The following DIS3L variants were observed in gnomAD, a reference collection of about 807,000 sequenced individuals.
DIS3L encodes DIS3 like exosome 3'-5' exoribonuclease.
Under a neutral mutation model 120.3 loss-of-function variants are expected in DIS3L, and 100 were observed. The observed-to-expected ratio is 0.83, with a 90% CI of 0.71 to 0.98. The LOEUF is 0.98. Among genes scored for constraint, DIS3L ranks in the 50% least tolerant of loss-of-function variants. The pLI, the probability that DIS3L is intolerant of heterozygous loss-of-function variation, is 0.00. For synonymous variants in DIS3L, 426 were observed against 470.6 expected (o/e 0.91, Z 1.23); for missense variants, 1,196 against 1,314.2 (o/e 0.91, Z 1.39).
At chr15:66,332,046 C>T (rs766562255) in intron 15 of DIS3L, 26 bp downstream of exon 15, 9 of 1,578,604 alleles carry the variant, frequency 5.7e-6, no homozygotes, top group Admixed American at 1.8e-5. Context: ...TGCAATGGTG[C>T]ATAAGAAATC....
At chr15:66,299,604 G>A (rs183989094) in intron 2 of DIS3L, among the ~76,000 whole-genome samples, 1 of 151,408 alleles carries the variant, frequency 6.6e-6, no homozygotes, top group Non-Finnish European at 1.5e-5. Flanking sequence ...GAAAAAAGAA[G>A]GGAGGAGGCT....
intron 2 of DIS3L, among the ~76,000 whole-genome samples, chr15:66,305,150 A>G (rs2092691697): frequency 6.6e-6 from 1 of 151,132 alleles, no homozygotes; most frequent in Non-Finnish European, 1.5e-5. Flanking sequence ...ACAGGCACCC[A>G]CCACCACGCC....
intron 2 of DIS3L, among the ~76,000 whole-genome samples, chr15:66,302,412 T>C (rs1371128457): frequency 1.3e-5 from 2 of 152,028 alleles, no homozygotes; most frequent in African/African-American, 4.8e-5. Flanking sequence ...GAAGTGAAGG[T>C]GTGAAAACAA....
At chr15:66,306,642 C>T (rs1220803724) in intron 2 of DIS3L, 182 bp from the exon 3 acceptor site, 11 of 764,422 alleles carry the variant, frequency 1.4e-5, no homozygotes, top group African/African-American at 7.0e-5. Flanking sequence ...CAGGCAAAAT[C>T]GAGAAACAAT....
chr15:66,329,741 A>G (rs1265062940), intron 14 of DIS3L: 3 of 989,282 alleles, frequency 3.0e-6, no homozygotes, highest in South Asian at 4.4e-5. Flanking sequence ...GTGAAACCCC[A>G]TCTCTACAAA....
rs1159545782 is a variant in DIS3L, at chr15:66,293,593, C to A, written c.-4C>A. 2 of 1,432,564 alleles carry A rather than the reference C, an allele frequency of 1.4e-6. No individual in the cohort carries two copies. The highest frequency in any genetic ancestry group is 1.8e-6 in the Non-Finnish European group (2 of 1,093,476). The allele number at this position is 1,432,564 out of a possible 1,614,324, so 88.7% of individuals were successfully genotyped here. On this transcript the variant is annotated 5_prime_UTR_variant, in exon 1 of 17. Coordinates refer to ENST00000319212, the MANE Select transcript of DIS3L (RefSeq NM_001143688.3). ...ACTCCGCGGCCGCCGGGAGACACGC[C>A]GCCATGCTGCAGAAGCGGGAGAAGG...
At chr15:66,318,974 G>A (rs558431362) in intron 8 of DIS3L, among the ~76,000 whole-genome samples, 9 of 152,186 alleles carry the variant, frequency 5.9e-5, no homozygotes, top group African/African-American at 1.9e-4. Context: ...TGTATTTTTA[G>A]TAGAGATGGG....
At chr15:66,331,051 C>T (rs2092993357) in intron 14 of DIS3L, among the ~76,000 whole-genome samples, 1 of 151,664 alleles carries the variant, frequency 6.6e-6, no homozygotes, top group African/African-American at 2.4e-5. Context: ...GCTAATCGGG[C>T]GGCTGAGGCA....
chr15:66,316,188 G>A (rs1053503660), intron 7 of DIS3L, among the ~76,000 whole-genome samples: 3 of 152,028 alleles, frequency 2.0e-5, no homozygotes, highest in Admixed American at 6.6e-5. Context: ...CAGACTTAAC[G>A]TGTCCCACAC....
chr15:66,308,967 A>G (rs1595729398), intron 4 of DIS3L, 123 bp downstream of exon 4: 2 of 1,150,866 alleles, frequency 1.7e-6, no homozygotes, highest in South Asian at 4.1e-5. Flanking sequence ...CATTTTGGCC[A>G]GGCGTGGTGG....
intron 12 of DIS3L, among the ~76,000 whole-genome samples, chr15:66,327,773 A>G (rs2092954251): frequency 6.6e-6 from 1 of 151,920 alleles, no homozygotes; most frequent in Non-Finnish European, 1.5e-5. Context: ...AATAAAAACT[A>G]AGTATAGGCT....
chr15:66,332,504 GTGTGTGTGTGTA>G (rs151258463), intron 15 of DIS3L, among the ~76,000 whole-genome samples: 36,735 of 146,106 alleles, frequency 0.25, 5,389 homozygotes, highest in South Asian at 0.32. Flanking sequence ...GTGTGTGTGT[GTGTGTGTGTGTA>G]TATATATACA....
intron 11 of DIS3L, 121 bp from the exon 12 acceptor site, chr15:66,325,710 G>C (rs1379686529): frequency 1.5e-5 from 17 of 1,158,146 alleles, no homozygotes; most frequent in Non-Finnish European, 1.9e-5. Flanking sequence ...GCAGTGAGCA[G>C]TGATCATGCC....
At chr15:66,311,980 A>G (rs1430729152) in intron 5 of DIS3L, 80 bp downstream of exon 5, 3 of 1,511,022 alleles carry the variant, frequency 2.0e-6, no homozygotes, top group Non-Finnish European at 2.7e-6. Context: ...GCTAAGGCTG[A>G]TAGATTGCTT....
rs968528373 is a variant in DIS3L, at chr15:66,314,263, G to T, written c.814+146G>T. 3.4e-5 allele frequency: 18 copies of T among 536,386 alleles called. No individual in the cohort carries two copies. The African/African-American group carries it at 3.4e-4, about 10-fold the overall frequency. The allele number at this position is 536,386 out of a possible 1,614,324, so 33.2% of individuals were successfully genotyped here. A position where few individuals can be genotyped will look rare whatever the true frequency, so the allele number is the denominator to read the frequency against. ...TGGGTATGTGAGATTGTGGCGGGGGGTGGTTCCCCTAGCTTTTTGTCTATA... is the reference window on the plus strand; with the variant it reads ...TGGGTATGTGAGATTGTGGCGGGGGTTGGTTCCCCTAGCTTTTTGTCTATA... On this transcript the variant is annotated intron_variant, in intron 6 of 16. Transcript: ENST00000319212.
At chr15:66,307,896 T>C (rs961991071) in intron 3 of DIS3L, among the ~76,000 whole-genome samples, 1 of 152,132 alleles carries the variant, frequency 6.6e-6, no homozygotes, top group Non-Finnish European at 1.5e-5. Flanking sequence ...AGAAGTTACC[T>C]TGAAAGCTGG....
rs1404434525 is a variant in DIS3L, at chr15:66,326,164, C to A, written c.2001C>A (p.His667Gln). Residue 667 changes from histidine (H) to glutamine (Q), a missense_variant, in exon 12 of 17, where the codon CAC becomes CAA. Coordinates refer to ENST00000319212, the MANE Select transcript of DIS3L (RefSeq NM_001143688.3). The stretch of plus-strand genomic sequence containing the variant: ...AGCTAGATGACAAAAAGAACATTCA[C>A]GACCTCATCCCCAAGCAGCCCCTGG... ...CVQLDDKKNI[H>Q]DLIPKQPLEV... 4 of 1,614,076 alleles carry A rather than the reference C, an allele frequency of 2.5e-6. No individual in the cohort carries two copies. The highest frequency in any genetic ancestry group is 3.4e-6 in the Non-Finnish European group (4 of 1,180,044).
In DIS3L at chr15:66,308,700, C is replaced by T; in HGVS notation, c.423-9C>T. ...CTGGGGAGAGCTCATGTGCCCTTTG[C>T]TTTTCCAGGAGCATATACAACGCAG... On this transcript the variant is annotated splice_polypyrimidine_tract_variant and intron_variant, in intron 3 of 16. Coordinates refer to ENST00000319212, the MANE Select transcript of DIS3L (RefSeq NM_001143688.3). 1 of 1,605,114 alleles carries T rather than the reference C, an allele frequency of 6.2e-7. No individual in the cohort carries two copies. Among genetic ancestry groups the T allele is most frequent in the Non-Finnish European group, 8.5e-7 (1 of 1,174,016 alleles).
At position 66,309,123 on chromosome 15, in the gene DIS3L, G is replaced by A. The variant is rs1000745992; in HGVS notation, c.558+279G>A. ...TATATATCTCCAAGCATGGTGGCACGCACCTGTAGTCCCAGCTACTCAAGA... is the reference window on the plus strand; with the variant it reads ...TATATATCTCCAAGCATGGTGGCACACACCTGTAGTCCCAGCTACTCAAGA... On this transcript the variant is annotated intron_variant, in intron 4 of 16. Transcript: ENST00000319212. Among the ~76,000 whole-genome samples, 12 of 73,064 alleles carry A rather than the reference G, an allele frequency of 1.6e-4. 1 individual carries two copies. In the South Asian group the frequency reaches 6.1e-3, roughly 37 times the overall value. The allele number at this position is 73,064 out of a possible 152,430, so 47.9% of individuals were successfully genotyped here.
Sources: gnomAD v4.1 joint callset for allele counts (sites outside exome capture counted in the v4.1 genomes callset) on GRCh38, gnomAD v4.1.1 for gene constraint, MANE v1.5 for transcripts, NCBI Gene and HGNC (gene_info 2026-07-23, HGNC 2026-07-21) for gene names.